ALK: variants seen among roughly 807,000 people sequenced by gnomAD.
ALK encodes ALK tyrosine kinase receptor.
In ALK, 74 loss-of-function variants were observed where a neutral mutation model predicts 163.1. The observed-to-expected ratio is 0.45, with a 90% CI of 0.38 to 0.55. The LOEUF is 0.55. ALK is among the 20% of genes least tolerant of loss of function. The probability of loss-of-function intolerance (pLI) is 0.00; values close to 1 mark genes in which losing one functional copy is unlikely to be tolerated. For synonymous variants in ALK, 960 were observed against 843.2 expected, an observed-to-expected ratio of 1.14 and a Z score of -2.40; for missense variants, 2,063 against 2,105.3, an observed-to-expected ratio of 0.98 and a Z score of 0.39.
intron 3 of ALK, among the ~76,000 whole-genome samples, chr2:29,624,859 A>C (rs901777782): frequency 6.6e-5 from 10 of 152,220 alleles, no homozygotes; most frequent in Non-Finnish European, 1.2e-4. Context: ...CCTCTAACTA[A>C]TACTTACAGG....
intron 4 of ALK, among the ~76,000 whole-genome samples, chr2:29,479,570 T>C (rs3885975): frequency 0.5 from 76,635 of 152,106 alleles, 20,504 homozygotes; most frequent in South Asian, 0.64. Flanking sequence ...CTCAAGCATG[T>C]GGCTTTGCAA....
chr2:29,526,022 C>G (rs1672951028), intron 4 of ALK, among the ~76,000 whole-genome samples: 1 of 152,088 alleles, frequency 6.6e-6, no homozygotes, highest in African/African-American at 2.4e-5. Flanking sequence ...TGGGATCTAT[C>G]TTGGAGAACA....
At chr2:29,352,209 G>C (rs1415887792) in intron 5 of ALK, among the ~76,000 whole-genome samples, 1 of 152,218 alleles carries the variant, frequency 6.6e-6, no homozygotes, top group Non-Finnish European at 1.5e-5. Flanking sequence ...AAGATTGTGG[G>C]GAAGAGCACA....
At chr2:29,197,431 G>T (rs2148142850) in intron 27 of ALK, 111 bp downstream of exon 27, 1 of 1,495,844 alleles carries the variant, frequency 6.7e-7, no homozygotes, top group Non-Finnish European at 9.1e-7. Flanking sequence ...CATATTAAAG[G>T]GAGGGCAGCC....
chr2:29,206,274 C>G (rs947749518), intron 26 of ALK, among the ~76,000 whole-genome samples: 1 of 149,730 alleles, frequency 6.7e-6, no homozygotes, highest in Middle Eastern at 3.4e-3. Flanking sequence ...TTCTCTCTCT[C>G]GTTCCCTCCC....
intron 3 of ALK, among the ~76,000 whole-genome samples, chr2:29,584,306 G>A (rs1473579083): frequency 3.9e-5 from 6 of 152,278 alleles, no homozygotes; most frequent in South Asian, 2.1e-4. Flanking sequence ...AAGGCAATGC[G>A]TGTTCCTTGG....
At chr2:29,660,686 A>AG (rs1677320975) in intron 3 of ALK, among the ~76,000 whole-genome samples, 1 of 29,540 alleles carries the variant, frequency 3.4e-5, no homozygotes, top group East Asian at 2.3e-3. Flanking sequence ...AGAAAGGGGG[A>AG]AAAAGGGGTG....
At chr2:29,528,065 TTCC>T (rs1254536315) in intron 4 of ALK, among the ~76,000 whole-genome samples, 1 of 152,210 alleles carries the variant, frequency 6.6e-6, no homozygotes, top group Non-Finnish European at 1.5e-5. Flanking sequence ...AAGCCTGAGT[TTCC>T]TCAACGACTT....
intron 3 of ALK, among the ~76,000 whole-genome samples, chr2:29,638,247 A>G (rs1676601384): frequency 6.6e-6 from 1 of 152,222 alleles, no homozygotes; most frequent in South Asian, 2.1e-4. Context: ...AATGGTGTCT[A>G]CCACACCAAG....
chr2:29,809,663 C>T lies in ALK; in HGVS notation c.668-91966G>A, dbSNP rs144871968. Among the ~76,000 whole-genome samples the T allele has an allele frequency of 3.3e-5, 5 of 152,342 alleles. No homozygotes were observed. The East Asian group carries it at 7.7e-4, about 24-fold the overall frequency. On this transcript the variant is annotated intron_variant, in intron 1 of 28. Coordinates refer to ENST00000389048, the MANE Select transcript of ALK (RefSeq NM_004304.5). ...GTGTGTGAGATCCCCATGATCCCTA[C>T]TTCCCATCTTCAGATGCAGTCACAG...
chr2:29,916,995 T>G (rs1667853011), intron 1 of ALK, among the ~76,000 whole-genome samples: 2 of 152,212 alleles, frequency 1.3e-5, no homozygotes, highest in Non-Finnish European at 2.9e-5. Context: ...GAATTCACAG[T>G]AACCCACAAG....
At chr2:29,369,111 C>A (rs781496045) in intron 5 of ALK, among the ~76,000 whole-genome samples, 1 of 152,194 alleles carries the variant, frequency 6.6e-6, no homozygotes, top group Non-Finnish European at 1.5e-5. Context: ...CTTCTTGACA[C>A]TCACAGGAAA....
chr2:29,713,584 C>T (rs975087142), intron 2 of ALK, among the ~76,000 whole-genome samples: 2 of 152,128 alleles, frequency 1.3e-5, no homozygotes, highest in African/African-American at 4.8e-5. Context: ...TGGGCATGCT[C>T]TCCAGGCAGG....
chr2:29,831,396 G>A (rs1665416764), intron 1 of ALK, among the ~76,000 whole-genome samples: 1 of 151,636 alleles, frequency 6.6e-6, no homozygotes, highest in Admixed American at 6.6e-5. Context: ...TAGGAGTTCT[G>A]GATATATATT....
intron 8 of ALK, among the ~76,000 whole-genome samples, chr2:29,312,470 C>T (rs865816417): frequency 2.0e-5 from 3 of 152,248 alleles, no homozygotes; most frequent in Non-Finnish European, 2.9e-5. Flanking sequence ...CTTGGTGATG[C>T]TCCTTTTGCA....
At chr2:29,629,154 C>G (rs1463425450) in intron 3 of ALK, among the ~76,000 whole-genome samples, 2 of 152,196 alleles carry the variant, frequency 1.3e-5, no homozygotes, top group African/African-American at 2.4e-5. Flanking sequence ...TGGAGACTCG[C>G]TTTCCTCACA....
At chr2:29,249,873 A>C (rs528601220) in intron 12 of ALK, among the ~76,000 whole-genome samples, 2 of 152,310 alleles carry the variant, frequency 1.3e-5, no homozygotes, top group African/African-American at 4.8e-5. Flanking sequence ...TGGGCACTGT[A>C]GCAGCTAATC....
intron 11 of ALK, among the ~76,000 whole-genome samples, chr2:29,267,652 C>A (rs1401273812): frequency 6.6e-6 from 1 of 152,138 alleles, no homozygotes; most frequent in Admixed American, 6.5e-5. Flanking sequence ...GCTGGGAAGA[C>A]CACCTTTTGT....
chr2:29,395,738 G>A (rs756235733), intron 4 of ALK, among the ~76,000 whole-genome samples: 1 of 152,226 alleles, frequency 6.6e-6, no homozygotes, highest in African/African-American at 2.4e-5. Flanking sequence ...TAGTTCCAGA[G>A]GGTCCTGCCC....
Sources: gnomAD v4.1 joint callset for allele counts (sites outside exome capture counted in the v4.1 genomes callset) on GRCh38, gnomAD v4.1.1 for gene constraint, MANE v1.5 for transcripts, NCBI Gene and HGNC (gene_info 2026-07-23, HGNC 2026-07-21) for gene names.